The following KHDRBS3 variants were observed in gnomAD, a reference collection of about 807,000 sequenced individuals.
KHDRBS3 encodes the protein KH RNA binding domain containing, signal transduction associated 3.
Under a neutral mutation model 45.6 loss-of-function variants are expected in KHDRBS3, and 23 were observed. That is an observed-to-expected ratio of 0.50 (90% CI 0.36 to 0.72). KHDRBS3 has a LOEUF of 0.72. Among genes scored for constraint, KHDRBS3 ranks in the 30% least tolerant of loss-of-function variants. The pLI, the probability that KHDRBS3 is intolerant of heterozygous loss-of-function variation, is 0.00. For missense variants in KHDRBS3, 352 were observed against 424.8 expected, an observed-to-expected ratio of 0.83 and a Z score of 1.51; for synonymous variants, 162 against 156.5, an observed-to-expected ratio of 1.04 and a Z score of -0.26.
At chr8:135,637,564 T>C (rs775449125) in intron 7 of KHDRBS3, among the ~76,000 whole-genome samples, 29 of 152,188 alleles carry the variant, frequency 1.9e-4, no homozygotes, top group Non-Finnish European at 4.0e-4. Context: ...AGTACAGAAC[T>C]TAGTAATGTG....
At chr8:135,465,196 C>T (rs1198067657) in intron 1 of KHDRBS3, among the ~76,000 whole-genome samples, 2 of 152,166 alleles carry the variant, frequency 1.3e-5, no homozygotes, top group African/African-American at 2.4e-5. Flanking sequence ...CTGTAATCCC[C>T]TGCAAGTTAC....
chr8:135,639,092 TAC>T (rs1830946396), intron 7 of KHDRBS3, among the ~76,000 whole-genome samples: 2 of 152,194 alleles, frequency 1.3e-5, no homozygotes, highest in African/African-American at 4.8e-5. Flanking sequence ...ATCAGGTAGT[TAC>T]TGATTGGTCA....
At chr8:135,631,590 T>C (rs1830607541) in intron 7 of KHDRBS3, among the ~76,000 whole-genome samples, 1 of 152,196 alleles carries the variant, frequency 6.6e-6, no homozygotes, top group Non-Finnish European at 1.5e-5. Context: ...GACAGTAACA[T>C]GCATGAAGCT....
rs191670042 is a variant in KHDRBS3, at chr8:135,549,189, C to T, written c.471+289C>T. ...TTCAGGTTTTGAAACGCTTTTCCTACGATTTTATGTGACACTGTACAACTT... is the reference window on the plus strand; with the variant it reads ...TTCAGGTTTTGAAACGCTTTTCCTATGATTTTATGTGACACTGTACAACTT... On this transcript the variant is annotated intron_variant, in intron 4 of 8. Coordinates refer to ENST00000355849, the MANE Select transcript of KHDRBS3 (RefSeq NM_006558.3). 146 of 217,550 alleles carry T rather than the reference C, an allele frequency of 6.7e-4. 2 individuals are homozygous for T. The South Asian group carries it at 0.018, about 27-fold the overall frequency. The allele number at this position is 217,550 out of a possible 1,614,324, so 13.5% of individuals were successfully genotyped here.
intron 6 of KHDRBS3, among the ~76,000 whole-genome samples, chr8:135,582,403 T>C (rs1041908694): frequency 1.3e-5 from 2 of 152,214 alleles, no homozygotes; most frequent in African/African-American, 2.4e-5. Flanking sequence ...TCCTGAATAC[T>C]TCAGTCATTT....
chr8:135,606,833 C>T (rs1829486529), intron 6 of KHDRBS3, 122 bp from the exon 7 acceptor site: 5 of 634,710 alleles, frequency 7.9e-6, no homozygotes, highest in Non-Finnish European at 1.3e-5. Flanking sequence ...TTTTTCTTTA[C>T]ACTATAAGTA....
Position 135,653,142 on chromosome 8 carries a change from C to T in KHDRBS3, c.*118-3084C>T, listed in dbSNP as rs192031775. ...AGGAGATAGAATAAACAAACAGGTA[C>T]CATTGTGAAGTGTGCGGGGATGGTG... On this transcript the variant is annotated intron_variant and NMD_transcript_variant, in intron 4 of 4. Coordinates refer to the KHDRBS3 transcript ENST00000521461. Among the ~76,000 whole-genome samples, 15 of 152,196 alleles carry T rather than the reference C, an allele frequency of 9.9e-5. No individual in the cohort carries two copies. The East Asian group carries it at 2.3e-3, about 24-fold the overall frequency.
At chr8:135,459,685 C>T (rs1821329336) in intron 1 of KHDRBS3, among the ~76,000 whole-genome samples, 2 of 152,330 alleles carry the variant, frequency 1.3e-5, no homozygotes, top group South Asian at 4.1e-4. Flanking sequence ...AACAGTTAAA[C>T]TGAAAGTACA....
chr8:135,609,182 T>C, intron 7 of KHDRBS3, among the ~76,000 whole-genome samples: 1 of 152,244 alleles, frequency 6.6e-6, no homozygotes, highest in East Asian at 1.9e-4. Flanking sequence ...GTAGTTTTTA[T>C]TAATTTTTGA....
intron 7 of KHDRBS3, among the ~76,000 whole-genome samples, chr8:135,617,443 A>G (rs980093807): frequency 2.1e-4 from 32 of 151,832 alleles, no homozygotes; most frequent in Admixed American, 2.1e-3. Flanking sequence ...ACACCCAGCT[A>G]ATTTTTGTGT....
chr8:135,576,023 C>T (rs543435450), intron 5 of KHDRBS3, among the ~76,000 whole-genome samples: 6 of 152,084 alleles, frequency 3.9e-5, no homozygotes, highest in Non-Finnish European at 8.8e-5. Context: ...TTGAGGAGTA[C>T]TAATCAGGTT....
At chr8:135,570,402 G>A (rs2130882315) in intron 5 of KHDRBS3, among the ~76,000 whole-genome samples, 1 of 152,206 alleles carries the variant, frequency 6.6e-6, no homozygotes, top group Admixed American at 6.5e-5. Flanking sequence ...GAAGTTATGA[G>A]AAATTTTATT....
At chr8:135,637,125 G>A (rs1391148410) in intron 7 of KHDRBS3, among the ~76,000 whole-genome samples, 6 of 152,134 alleles carry the variant, frequency 3.9e-5, no homozygotes, top group Admixed American at 3.3e-4. Flanking sequence ...CCCTCCTGGG[G>A]AAATATTGTT....
chr8:135,526,324 AT>A (rs1825184652), intron 2 of KHDRBS3, among the ~76,000 whole-genome samples: 1 of 151,766 alleles, frequency 6.6e-6, no homozygotes, highest in Non-Finnish European at 1.5e-5. Context: ...TTAAATTATA[AT>A]TTAAAATTTA....
chr8:135,611,204 A>G (rs914002174), intron 7 of KHDRBS3, among the ~76,000 whole-genome samples: 8 of 151,872 alleles, frequency 5.3e-5, no homozygotes, highest in Admixed American at 2.0e-4. Context: ...GGACAAGTAC[A>G]GAAGCCACTG....
intron 7 of KHDRBS3, among the ~76,000 whole-genome samples, chr8:135,640,453 T>C (rs766670941): frequency 6.6e-6 from 1 of 152,118 alleles, no homozygotes; most frequent in African/African-American, 2.4e-5. Flanking sequence ...TCTGTAGATG[T>C]AGGGTAGAAG....
chr8:135,471,880 G>A (rs549547603), intron 1 of KHDRBS3, among the ~76,000 whole-genome samples: 5 of 152,180 alleles, frequency 3.3e-5, no homozygotes, highest in East Asian at 1.9e-4. Context: ...ATCACACTGC[G>A]ATCGTGATGT....
chr8:135,592,316 A>G (rs1828782158), intron 6 of KHDRBS3, among the ~76,000 whole-genome samples: 1 of 152,064 alleles, frequency 6.6e-6, no homozygotes, highest in Non-Finnish European at 1.5e-5. Flanking sequence ...GGAAAGCTCT[A>G]AAATGAAAAT....
chr8:135,648,005 G>T (rs1299196988), downstream of KHDRBS3: 1 of 152,048 alleles, frequency 6.6e-6, no homozygotes, highest in Admixed American at 6.6e-5. Context: ...TGAACACCTC[G>T]CTCCATGCTG....
Sources: gnomAD v4.1 joint callset for allele counts (sites outside exome capture counted in the v4.1 genomes callset) on GRCh38, gnomAD v4.1.1 for gene constraint, MANE v1.5 for transcripts, NCBI Gene and HGNC (gene_info 2026-07-23, HGNC 2026-07-21) for gene names.